The following MYO18B variants were observed in gnomAD, a reference collection of about 807,000 sequenced individuals.
The protein encoded by MYO18B is unconventional myosin-XVIIIb.
MYO18B carries 204 observed loss-of-function variants against 273.0 expected under a neutral mutation model. That is an observed-to-expected ratio of 0.75 (90% CI 0.67 to 0.84). MYO18B has a LOEUF of 0.84. MYO18B is among the 40% of genes least tolerant of loss of function. The pLI, the probability that MYO18B is intolerant of heterozygous loss-of-function variation, is 0.00. For missense variants in MYO18B, 3,212 were observed against 3,287.6 expected, an observed-to-expected ratio of 0.98 and a Z score of 0.56; for synonymous variants, 1,330 against 1,305.7, an observed-to-expected ratio of 1.02 and a Z score of -0.40.
chr22:26,051,216 CTTT>C, the MYO18B span, among the ~76,000 whole-genome samples: 29 of 92,602 alleles, frequency 3.1e-4, 1 homozygote, highest in African/African-American at 3.9e-4. Context: ...TAATTGGTCC[CTTT>C]TTTTTTTTTT....
At chr22:25,928,227 A>T (rs958305905) in intron 34 of MYO18B, among the ~76,000 whole-genome samples, 2 of 152,030 alleles carry the variant, frequency 1.3e-5, no homozygotes, top group African/African-American at 4.8e-5. Context: ...ACAGGGAGCC[A>T]TAGAAAGCTA....
At chr22:25,831,442 G>C (rs548541275) in intron 15 of MYO18B, among the ~76,000 whole-genome samples, 1 of 152,280 alleles carries the variant, frequency 6.6e-6, no homozygotes, top group Admixed American at 6.5e-5. Flanking sequence ...GAGTGCAATG[G>C]AGTGATCTCA....
intron 11 of MYO18B, among the ~76,000 whole-genome samples, chr22:25,786,011 G>A (rs1032278602): frequency 3.3e-5 from 5 of 152,222 alleles, no homozygotes; most frequent in African/African-American, 9.6e-5. Context: ...TAGTCTATGA[G>A]TGGGGCTGAG....
chr22:25,813,201 T>C (rs2088843002), intron 12 of MYO18B, among the ~76,000 whole-genome samples: 1 of 108,652 alleles, frequency 9.2e-6, no homozygotes, highest in Non-Finnish European at 1.9e-5. Context: ...TTTTTTTTTT[T>C]GAGACGGAGT....
intron 33 of MYO18B, among the ~76,000 whole-genome samples, chr22:25,915,057 AT>A (rs200249060): frequency 8.2e-4 from 124 of 151,252 alleles, no homozygotes; most frequent in Non-Finnish European, 1.3e-3. Flanking sequence ...AAAAAAAAAA[AT>A]GTTATACTTT....
At chr22:26,039,696 C>T in the MYO18B span, among the ~76,000 whole-genome samples, 16 of 151,956 alleles carry the variant, frequency 1.1e-4, no homozygotes, top group South Asian at 2.1e-4. Context: ...TGGATAAGTT[C>T]GTTAGTGGTG....
chr22:25,996,731 G>A (rs1450250725), intron 40 of MYO18B, among the ~76,000 whole-genome samples: 2 of 152,244 alleles, frequency 1.3e-5, no homozygotes, highest in African/African-American at 2.4e-5. Flanking sequence ...ATTAAGACCC[G>A]AATGAAATGA....
intron 34 of MYO18B, among the ~76,000 whole-genome samples, chr22:25,936,928 C>T (rs1416940043): frequency 6.6e-6 from 1 of 152,154 alleles, no homozygotes; most frequent in Admixed American, 6.5e-5. Flanking sequence ...AATACCATCA[C>T]ATTAGGGGGT....
At chr22:25,771,549 C>T (rs913747543) in intron 6 of MYO18B, among the ~76,000 whole-genome samples, 12 of 152,152 alleles carry the variant, frequency 7.9e-5, no homozygotes, top group Non-Finnish European at 1.8e-4. Flanking sequence ...TCTGTCATGC[C>T]CTTTCCCCCC....
intron 39 of MYO18B, among the ~76,000 whole-genome samples, chr22:25,991,353 T>C (rs2093268610): frequency 6.6e-6 from 1 of 152,194 alleles, no homozygotes; most frequent in African/African-American, 2.4e-5. Flanking sequence ...TTTGTGGGAT[T>C]GTCCTGTGCC....
intron 1 of MYO18B, among the ~76,000 whole-genome samples, chr22:25,744,802 T>G (rs2085729708): frequency 6.6e-6 from 1 of 152,146 alleles, no homozygotes; most frequent in Admixed American, 6.5e-5. Context: ...GAGGTGGGTT[T>G]GAGACCAGGG....
intron 20 of MYO18B, among the ~76,000 whole-genome samples, chr22:25,851,230 T>G (rs2090417540): frequency 6.6e-6 from 1 of 152,174 alleles, no homozygotes; most frequent in African/African-American, 2.4e-5. Flanking sequence ...TTTCAAACTT[T>G]CAGTGGAGCA....
At chr22:25,874,508 G>C (rs1275426137) in intron 23 of MYO18B, 94 bp downstream of exon 23, 1 of 1,475,906 alleles carries the variant, frequency 6.8e-7, no homozygotes, top group Non-Finnish European at 9.2e-7. Context: ...GGTGCACCGG[G>C]TCCAAGGATC....
chr22:25,810,897 CTT>C (rs2088719506), intron 12 of MYO18B, among the ~76,000 whole-genome samples: 1 of 152,156 alleles, frequency 6.6e-6, no homozygotes. Context: ...CATCTATACT[CTT>C]TCTGTTGTGT....
chr22:25,997,028 A>T (rs576821204), intron 40 of MYO18B, among the ~76,000 whole-genome samples: 1 of 152,232 alleles, frequency 6.6e-6, no homozygotes, highest in South Asian at 2.1e-4. Flanking sequence ...GTGTGAAGTG[A>T]AAGTGTGAGG....
At chr22:26,061,496 A>G in the MYO18B span, among the ~76,000 whole-genome samples, 13 of 152,004 alleles carry the variant, frequency 8.6e-5, no homozygotes, top group African/African-American at 3.1e-4. Flanking sequence ...AGTCCTTGCT[A>G]CAATCATGGG....
intron 11 of MYO18B, among the ~76,000 whole-genome samples, chr22:25,794,894 C>T (rs2087842786): frequency 6.6e-6 from 1 of 152,210 alleles, no homozygotes; most frequent in Non-Finnish European, 1.5e-5. Context: ...CTTTGAGCCC[C>T]CTCCCAGGCA....
At chr22:25,745,594 A>G (rs1342425869) in intron 1 of MYO18B, among the ~76,000 whole-genome samples, 1 of 152,132 alleles carries the variant, frequency 6.6e-6, no homozygotes, top group Non-Finnish European at 1.5e-5. Context: ...ATCCAGTTTC[A>G]TAATTTTCCC....
chr22:25,818,689 GTC>G (rs1311239006), intron 12 of MYO18B, among the ~76,000 whole-genome samples: 1 of 152,178 alleles, frequency 6.6e-6, no homozygotes, highest in Admixed American at 6.5e-5. Context: ...TGCAGGGGAA[GTC>G]TCTGCAGCCA....
Sources: allele counts gnomAD v4.1 joint callset (sites outside exome capture counted in the v4.1 genomes callset), GRCh38; gene constraint gnomAD v4.1.1; transcripts MANE v1.5; gene names NCBI Gene and HGNC (gene_info 2026-07-23, HGNC 2026-07-21).